The following SEPTIN7 variants were observed in gnomAD, a reference collection of about 807,000 sequenced individuals.
SEPTIN7 encodes septin 7, also known as septin-7.
Under a neutral mutation model 63.3 loss-of-function variants are expected in SEPTIN7, and 10 were observed. The observed-to-expected ratio is 0.16, with a 90% CI of 0.10 to 0.27. The LOEUF (loss-of-function observed/expected upper bound fraction) is 0.27, where lower values mean the gene tolerates loss of function less well. Among genes scored for constraint, SEPTIN7 ranks in the 10% least tolerant of loss-of-function variants. SEPTIN7 has a pLI of 1.00. For missense variants in SEPTIN7, 310 were observed against 521.0 expected, an observed-to-expected ratio of 0.59 and a Z score of 3.94; for synonymous variants, 131 against 165.3, an observed-to-expected ratio of 0.79 and a Z score of 1.59.
chr7:35,831,045 A>G lies in SEPTIN7; in HGVS notation c.62-447A>G, dbSNP rs140092036. On this transcript the variant is annotated intron_variant, in intron 1 of 13. Coordinates refer to ENST00000350320, the MANE Select transcript of SEPTIN7 (RefSeq NM_001788.6). ...GACTGACAAAGCAAAATTGCATGAA[A>G]TTTACATTTTTTTTCTTCTTGTAAT... Among the ~76,000 whole-genome samples, 23 of 152,252 alleles carry G rather than the reference A, an allele frequency of 1.5e-4. No homozygotes were observed. In the East Asian group the frequency reaches 4.4e-3, roughly 29 times the overall value.
chr7:35,878,628 G>A (rs1177592335), intron 6 of SEPTIN7, among the ~76,000 whole-genome samples: 1 of 152,128 alleles, frequency 6.6e-6, no homozygotes. Flanking sequence ...TAAAGTAATG[G>A]AAATGGAGAT....
intron 11 of SEPTIN7, among the ~76,000 whole-genome samples, chr7:35,891,869 ATAT>A (rs1787669419): frequency 1.3e-5 from 2 of 152,216 alleles, no homozygotes; most frequent in South Asian, 2.1e-4. Context: ...ATGTAGAAAG[ATAT>A]TATCTTTATA....
chr7:35,863,448 CA>C, intron 3 of SEPTIN7, 103 bp from the exon 4 acceptor site: 1 of 616,610 alleles, frequency 1.6e-6, no homozygotes, highest in Non-Finnish European at 2.8e-6. Context: ...ATTGTCTCAC[CA>C]AGAAGTACTT....
chr7:35,808,945 CACTA>C (rs1236855079), intron 1 of SEPTIN7, among the ~76,000 whole-genome samples: 1 of 152,134 alleles, frequency 6.6e-6, no homozygotes, highest in Non-Finnish European at 1.5e-5. Flanking sequence ...CTAACAAATA[CACTA>C]ACTGTTAGTT....
intron 11 of SEPTIN7, 76 bp downstream of exon 11, chr7:35,890,869 T>G (rs1787594431): frequency 1.1e-5 from 14 of 1,234,510 alleles, no homozygotes; most frequent in Non-Finnish European, 1.4e-5. Flanking sequence ...TTCATTAAAT[T>G]TCTTCTGGCT....
At position 35,860,371 on chromosome 7, in the gene SEPTIN7, G is replaced by A. The variant is rs149974485; in HGVS notation, c.170-3181G>A. On this transcript the variant is annotated intron_variant, in intron 3 of 13. Transcript: ENST00000350320. ...TTTAAAAACTCATAGAAAATATAAGGTGAACTTGCAAACCAAAATTATAAT... is the reference window on the plus strand; with the variant it reads ...TTTAAAAACTCATAGAAAATATAAGATGAACTTGCAAACCAAAATTATAAT... 5.3e-5 allele frequency among the ~76,000 whole-genome samples: 8 copies of A among 152,088 alleles called. No individual in the cohort carries two copies. The East Asian group carries it at 1.5e-3, about 29-fold the overall frequency.
intron 1 of SEPTIN7, among the ~76,000 whole-genome samples, chr7:35,822,119 G>A (rs958380137): frequency 5.4e-5 from 8 of 148,944 alleles, no homozygotes; most frequent in Non-Finnish European, 8.9e-5. Context: ...TCGCTCTGTC[G>A]CCCAGGCTGG....
At chr7:35,897,660 G>C (rs1788034050) in intron 11 of SEPTIN7, among the ~76,000 whole-genome samples, 1 of 152,094 alleles carries the variant, frequency 6.6e-6, no homozygotes, top group Admixed American at 6.5e-5. Context: ...TGAAATATTT[G>C]AGTTAAGTAG....
chr7:35,861,282 G>A (rs1353603060), intron 3 of SEPTIN7, among the ~76,000 whole-genome samples: 1 of 152,074 alleles, frequency 6.6e-6, no homozygotes, highest in African/African-American at 2.4e-5. Flanking sequence ...TCTAATATCT[G>A]TATTTCTTCA....
chr7:35,817,084 C>G (rs1789117829), intron 1 of SEPTIN7, among the ~76,000 whole-genome samples: 1 of 151,004 alleles, frequency 6.6e-6, no homozygotes, highest in African/African-American at 2.4e-5. Context: ...TCCAGTTTAT[C>G]TACTTATTGC....
At position 35,861,975 on chromosome 7, in the gene SEPTIN7, C is replaced by T. The variant is rs541698484; in HGVS notation, c.170-1577C>T. Among the ~76,000 whole-genome samples the T allele has an allele frequency of 2.6e-5, 4 of 152,220 alleles. No homozygotes were observed. In the South Asian group the frequency reaches 8.3e-4, roughly 32 times the overall value. ...TGTAGACCTTTGTTTTTCACAGGTCCTGTAAGGTTAATTCAACTAATTTCT... is the reference window on the plus strand; with the variant it reads ...TGTAGACCTTTGTTTTTCACAGGTCTTGTAAGGTTAATTCAACTAATTTCT... On this transcript the variant is annotated intron_variant, in intron 3 of 13. Coordinates refer to ENST00000350320, the MANE Select transcript of SEPTIN7 (RefSeq NM_001788.6).
At chr7:35,839,117 GAAAT>G (rs1186677972) in intron 3 of SEPTIN7, among the ~76,000 whole-genome samples, 5 of 152,128 alleles carry the variant, frequency 3.3e-5, no homozygotes, top group Non-Finnish European at 7.4e-5. Flanking sequence ...TTTCTAGAAA[GAAAT>G]AAACATGGTG....
chr7:35,872,622 G>A (rs370943426), intron 4 of SEPTIN7, 44 bp from the exon 5 acceptor site: 1 of 1,416,682 alleles, frequency 7.1e-7, no homozygotes, highest in Non-Finnish European at 1.0e-6. Flanking sequence ...GGAAATCACT[G>A]ATGTAATGTA....
At chr7:35,801,855 C>T (rs113468037) in intron 1 of SEPTIN7, among the ~76,000 whole-genome samples, 1 of 152,112 alleles carries the variant, frequency 6.6e-6, no homozygotes. Context: ...GCGGCGGCTG[C>T]AGCCGCAGCT....
chr7:35,871,617 G>T (rs978089880), intron 4 of SEPTIN7, among the ~76,000 whole-genome samples: 1 of 152,122 alleles, frequency 6.6e-6, no homozygotes, highest in Non-Finnish European at 1.5e-5. Context: ...CTTAGTCTCC[G>T]CATGTTAGTC....
chr7:35,812,806 T>C (rs1180870579), intron 1 of SEPTIN7, among the ~76,000 whole-genome samples: 1 of 152,218 alleles, frequency 6.6e-6, no homozygotes, highest in African/African-American at 2.4e-5. Context: ...ACAAAATAAC[T>C]TACCTATTAT....
intron 6 of SEPTIN7, among the ~76,000 whole-genome samples, chr7:35,874,836 A>T (rs548134857): frequency 6.6e-6 from 1 of 152,160 alleles, no homozygotes; most frequent in Admixed American, 6.6e-5. Flanking sequence ...ACATGTTTAA[A>T]TCACTAAACT....
chr7:35,819,146 G>A (rs1368414152), intron 1 of SEPTIN7, among the ~76,000 whole-genome samples: 1 of 151,918 alleles, frequency 6.6e-6, no homozygotes, highest in Non-Finnish European at 1.5e-5. Flanking sequence ...GGTATGTTGT[G>A]TTTTTAGTTT....
At chr7:35,836,382 A>T (rs1300253080) in intron 3 of SEPTIN7, among the ~76,000 whole-genome samples, 1 of 152,190 alleles carries the variant, frequency 6.6e-6, no homozygotes, top group Non-Finnish European at 1.5e-5. Flanking sequence ...GGTAGTATTA[A>T]ACCTATTATT....
Sources: allele counts gnomAD v4.1 joint callset (sites outside exome capture counted in the v4.1 genomes callset), GRCh38; gene constraint gnomAD v4.1.1; transcripts MANE v1.5; gene names NCBI Gene and HGNC (gene_info 2026-07-23, HGNC 2026-07-21).